CYBB: variants seen among roughly 807,000 people sequenced by gnomAD.
CYBB encodes the protein NADPH oxidase 2.
Under a neutral mutation model 46.5 loss-of-function variants are expected in CYBB, and 5 were observed. The ratio of observed to expected loss-of-function variants is 0.11; its 90% CI spans 0.06 to 0.23. The LOEUF (loss-of-function observed/expected upper bound fraction) is 0.23. CYBB is among the 10% of genes least tolerant of loss of function. The pLI, the probability that CYBB is intolerant of heterozygous loss-of-function variation, is 1.00. For missense variants in CYBB, 307 were observed against 428.3 expected (o/e 0.72, Z 2.50); for synonymous variants, 183 against 156.7 (o/e 1.17, Z -1.26).
At chrX:37,799,439 A>T (rs1016687094) in intron 7 of CYBB, among the ~76,000 whole-genome samples, 1 of 111,890 alleles carries the variant, frequency 8.9e-6, no homozygotes, top group Non-Finnish European at 1.9e-5. Flanking sequence ...GGATAGCTCA[A>T]ATAAATCACT....
intron 6 of CYBB, among the ~76,000 whole-genome samples, chrX:37,797,497 T>C (rs1029474675): frequency 6.3e-5 from 7 of 111,765 alleles, no homozygotes; most frequent in Non-Finnish European, 1.1e-4. Context: ...TCTCACAGTC[T>C]CATGGCTCCG....
chrX:37,789,526 A>AAAATAAAT (rs59209229), intron 3 of CYBB, among the ~76,000 whole-genome samples: 1,889 of 104,276 alleles, frequency 0.018, 59 homozygotes, highest in African/African-American at 0.065. Context: ...AGAAAGAAAG[A>AAAATAAAT]AAATAAATAA....
rs782162737 is a variant in CYBB, at chrX:37,804,052, T to C, written c.1073T>C (p.Val358Ala). ...TTCTTTAGTATCCATATCCGCATCG[T>C]TGGGGACTGGACAGAGGGGCTGTTC... is the stretch of plus-strand genomic sequence containing the variant. ...EDFFSIHIRI[V>A]GDWTEGLFNA... The change falls in exon 9 of 13, where the codon GTT (valine) becomes GCT (alanine). Residue 358 changes from valine (V) to alanine (A), a missense_variant. Val to Ala is a moderately conservative substitution (Grantham distance 64, BLOSUM62 0). Transcript: ENST00000378588. The C allele has an allele frequency of 2.5e-6, 3 of 1,210,970 alleles. No homozygotes were observed. The highest frequency in any genetic ancestry group is 3.4e-6 in the Non-Finnish European group (3 of 895,062).
chrX:37,799,105 T>A, intron 7 of CYBB, 21 bp downstream of exon 7: 2 of 1,189,603 alleles, frequency 1.7e-6, no homozygotes, highest in Non-Finnish European at 2.3e-6. Flanking sequence ...TTCATTGTTG[T>A]TATTACAGTT....
chrX:37,801,029 A>G (rs1357126559), intron 7 of CYBB, among the ~76,000 whole-genome samples: 1 of 112,290 alleles, frequency 8.9e-6, no homozygotes, highest in Non-Finnish European at 1.9e-5. Flanking sequence ...TTGTCAGTAC[A>G]GTTCCCCATT....
At chrX:37,803,512 A>T (rs113823228) in intron 8 of CYBB, among the ~76,000 whole-genome samples, 4 of 111,766 alleles carry the variant, frequency 3.6e-5, no homozygotes, top group Non-Finnish European at 5.7e-5. Context: ...TATAAGAGAT[A>T]AACCTGGAAA....
intron 3 of CYBB, among the ~76,000 whole-genome samples, chrX:37,790,459 A>G: frequency 8.9e-6 from 1 of 112,300 alleles, no homozygotes; most frequent in East Asian, 2.8e-4. Flanking sequence ...TTACCTGTAA[A>G]ATGAGGACAT....
At chrX:37,795,730 A>G (rs1181148940) in intron 5 of CYBB, among the ~76,000 whole-genome samples, 4 of 112,583 alleles carry the variant, frequency 3.6e-5, no homozygotes, top group Non-Finnish European at 7.5e-5. Flanking sequence ...TAACCATGTA[A>G]GACATTTTAA....
In CYBB at chrX:37,801,175, T is replaced by G. The variant is rs35670962; in HGVS notation, c.805-81T>G. 1.5e-3 allele frequency: 925 copies of G among 637,600 alleles called. 7 individuals carry two copies. The African/African-American group carries it at 0.017, about 12-fold the overall frequency. The allele number at this position is 637,600 out of a possible 1,213,427, so 52.5% of individuals were successfully genotyped here. On this transcript the variant is annotated intron_variant, in intron 7 of 12. Coordinates refer to ENST00000378588, the MANE Select transcript of CYBB (RefSeq NM_000397.4). ...CAAGCCTACAAAGATTAACTTGGCTTCTAAAATTTTTCTCCCTCTGAATAT... is the reference window on the plus strand; with the variant it reads ...CAAGCCTACAAAGATTAACTTGGCTGCTAAAATTTTTCTCCCTCTGAATAT...
chrX:37,799,845 G>A (rs1286430384), intron 7 of CYBB, among the ~76,000 whole-genome samples: 3 of 111,381 alleles, frequency 2.7e-5, no homozygotes, highest in African/African-American at 9.8e-5. Flanking sequence ...ATAAAACTAG[G>A]CAAAAATCAA....
At position 37,813,336 on chromosome X, in the gene CYBB, A is replaced by C. The variant is rs1929714572; in HGVS notation, c.*2419A>C. ...TTTTCTTAGTTCTTCTGCTTTTGCA[A>C]TTGTGTTTGTGAAATTTGAATACTT... On this transcript the variant is annotated 3_prime_UTR_variant, in exon 13 of 13. Transcript: ENST00000378588. 1.9e-5 allele frequency: 2 copies of C among 107,936 alleles called. No individual in the cohort carries two copies. Among genetic ancestry groups the C allele is most frequent in the Admixed American group, 2.0e-4 (2 of 9,891 alleles). The allele number at this position is 107,936 out of a possible 1,213,427, so 8.9% of individuals were successfully genotyped here.
intron 6 of CYBB, 47 bp from the exon 7 acceptor site, chrX:37,798,907 AT>A: frequency 8.7e-7 from 1 of 1,148,053 alleles, no homozygotes. Context: ...TAATAAAACA[AT>A]TTAATTTCCT....
rs782311613 is a variant in CYBB, at chrX:37,805,011, C to T, written c.1157C>T (p.Ala386Val). 11 of 1,210,609 alleles carry T rather than the reference C, an allele frequency of 9.1e-6. No individual in the cohort carries two copies. Among genetic ancestry groups the T allele is most frequent in the South Asian group, 1.8e-5 (1 of 56,990 alleles). ...FQDAWKLPKI[A>V]VDGPFGTASE... ...TCCTCCCCATTTCCCTTCAGGATAG[C>T]GGTTGATGGGCCCTTTGGCACTGCC... The change falls in exon 10 of 13, where the codon GCG (alanine) becomes GTG (valine). Residue 386 changes from alanine (A) to valine (V), a missense_variant. By Grantham distance (64) the Ala-to-Val change is moderately conservative. Transcript: ENST00000378588.
intron 2 of CYBB, among the ~76,000 whole-genome samples, chrX:37,783,010 T>C (rs1569478673): frequency 9.0e-6 from 1 of 111,306 alleles, no homozygotes; most frequent in Non-Finnish European, 1.9e-5. Context: ...TCAATTTAAG[T>C]GCTAAGAAAA....
rs768055122 is a variant in CYBB, at chrX:37,810,889, A to G, written c.1685A>G (p.His562Arg). ...SNSESGPRGV[H>R]FIFNKENF ...TCTGAGTCTGGCCCTCGGGGAGTGC[A>G]TTTCATTTTCAACAAGGAAAACTTC... Residue 562 changes from histidine to arginine, a missense_variant, in exon 13 of 13, where the codon CAT (histidine) becomes CGT (arginine). By Grantham distance (29) the His-to-Arg change is conservative. Coordinates refer to ENST00000378588, the MANE Select transcript of CYBB (RefSeq NM_000397.4). The G allele has an allele frequency of 4.4e-5, 53 of 1,209,077 alleles. 1 individual carries two copies. The South Asian group carries it at 9.3e-4, about 21-fold the overall frequency.
Position 37,790,268 on chromosome X carries a change from T to C in CYBB, c.253-1707T>C, listed in dbSNP as rs139214128. Among the ~76,000 whole-genome samples, 301 of 111,819 alleles carry C rather than the reference T, an allele frequency of 2.7e-3. 3 individuals are homozygous for C. The highest frequency in any genetic ancestry group is 9.4e-3 in the African/African-American group (288 of 30,798). ...TTCCTTCCCAGTCTCATTTTTACCC[T>C]CGTTTTCTATGACCACCTTCCGGAT... On this transcript the variant is annotated intron_variant, in intron 3 of 12. Transcript: ENST00000378588.
chrX:37,809,972 T>C (rs1457155017), intron 12 of CYBB, among the ~76,000 whole-genome samples: 2 of 111,878 alleles, frequency 1.8e-5, no homozygotes, highest in East Asian at 5.6e-4. Flanking sequence ...GCTTAGTTCT[T>C]TTCTTTAGTC....
chrX:37,799,600 C>T (rs782140006), intron 7 of CYBB, among the ~76,000 whole-genome samples: 21 of 111,761 alleles, frequency 1.9e-4, no homozygotes, highest in Non-Finnish European at 3.6e-4. Context: ...GGCTGGACGG[C>T]GAGGTTCATA....
At chrX:37,788,044 A>T (rs1317396713) in intron 3 of CYBB, among the ~76,000 whole-genome samples, 2 of 112,266 alleles carry the variant, frequency 1.8e-5, no homozygotes, top group Non-Finnish European at 3.8e-5. Flanking sequence ...GAAACAGAGT[A>T]TCATTGAATG....
Sources: allele counts gnomAD v4.1 joint callset (sites outside exome capture counted in the v4.1 genomes callset), GRCh38; gene constraint gnomAD v4.1.1; transcripts MANE v1.5; gene names NCBI Gene and HGNC (gene_info 2026-07-23, HGNC 2026-07-21).